The following BNIP2 variants were observed in gnomAD, a reference collection of about 807,000 sequenced individuals.
BNIP2 encodes the protein BCL2 interacting protein 2, also known as BCL2/adenovirus E1B 19 kDa protein-interacting protein 2.
Under a neutral mutation model 43.4 loss-of-function variants are expected in BNIP2, and 36 were observed. That is an observed-to-expected ratio of 0.83 (90% CI 0.64 to 1.10). The LOEUF (loss-of-function observed/expected upper bound fraction) is 1.10. Among genes scored for constraint, BNIP2 ranks in the 50% least tolerant of loss-of-function variants. The pLI is 0.00. For synonymous variants in BNIP2, 146 were observed against 121.0 expected (o/e 1.21, Z -1.35); for missense variants, 417 against 374.1 (o/e 1.11, Z -0.95).
chr15:59,660,735 G>A lies in BNIP2; in HGVS notation c.*3334C>T, dbSNP rs1393631721. On this transcript the variant is annotated 3_prime_UTR_variant, in exon 10 of 10. Transcript: ENST00000607373. Reference sequence around the variant, plus strand: ...TTCAGTATTCAGTGCACTTACTAGTGATGTCCATTTTGGAAGACTAAATCA... The same window carrying A: ...TTCAGTATTCAGTGCACTTACTAGTAATGTCCATTTTGGAAGACTAAATCA... 9 of 152,026 alleles carry A rather than the reference G, an allele frequency of 5.9e-5. No homozygotes were observed. Among genetic ancestry groups the A allele is most frequent in the Admixed American group, 5.9e-4 (9 of 15,258 alleles). 9.4% of individuals were successfully genotyped at this position (152,026 alleles called of 1,614,324 possible). A position where few individuals can be genotyped will look rare whatever the true frequency, so the allele number is the denominator to read the frequency against.
In BNIP2 at chr15:59,669,467, A is replaced by G. The variant is rs1478486645; in HGVS notation, c.708-105T>C. ...AATAATAGTTGAAAAATCTCACCCA[A>G]AAGTTCTCAATTAGGTGTGATACCC... On this transcript the variant is annotated intron_variant, in intron 7 of 9. Transcript: ENST00000607373. 36 of 774,080 alleles carry G rather than the reference A, an allele frequency of 4.7e-5. 1 individual carries two copies. The South Asian group carries it at 8.2e-4, about 18-fold the overall frequency. 48.0% of individuals were successfully genotyped at this position (774,080 alleles called of 1,614,324 possible).
At chr15:59,686,904 C>T (rs530092147) in intron 1 of BNIP2, among the ~76,000 whole-genome samples, 2 of 152,070 alleles carry the variant, frequency 1.3e-5, no homozygotes, top group Non-Finnish European at 2.9e-5. Flanking sequence ...GTAATCCAAG[C>T]GATCAGGGAG....
intron 2 of BNIP2, among the ~76,000 whole-genome samples, chr15:59,680,955 A>C (rs1475304179): frequency 6.6e-6 from 1 of 152,188 alleles, no homozygotes; most frequent in Admixed American, 6.5e-5. Flanking sequence ...ATTATATATA[A>C]GTAACACATA....
At chr15:59,666,564 G>A (rs1223872911) in intron 9 of BNIP2, among the ~76,000 whole-genome samples, 1 of 152,124 alleles carries the variant, frequency 6.6e-6, no homozygotes, top group Non-Finnish European at 1.5e-5. Flanking sequence ...CTACTTGGGG[G>A]GCTGAGGCAG....
At chr15:59,678,516 A>G in intron 4 of BNIP2, 1 of 1,076,438 alleles carries the variant, frequency 9.3e-7, no homozygotes, top group Non-Finnish European at 1.1e-6. Context: ...AATTAACTGT[A>G]ATACCAGATA....
At chr15:59,688,639 T>A in intron 1 of BNIP2, 2 of 1,421,746 alleles carry the variant, frequency 1.4e-6, no homozygotes, top group Admixed American at 4.0e-5. Context: ...ACGTACACAC[T>A]CTGTATTTGG....
chr15:59,683,723 G>T (rs1473833129), intron 1 of BNIP2, among the ~76,000 whole-genome samples: 1 of 152,212 alleles, frequency 6.6e-6, no homozygotes, highest in Non-Finnish European at 1.5e-5. Flanking sequence ...GGAGGCTGAG[G>T]CAGGAGAATC....
chr15:59,665,536 G>A (rs1490150570), intron 9 of BNIP2: 1 of 152,442 alleles, frequency 6.6e-6, no homozygotes. Flanking sequence ...CTTGAGCCCT[G>A]GAGACGGAGG....
intron 1 of BNIP2, among the ~76,000 whole-genome samples, chr15:59,685,691 A>T (rs1375525467): frequency 2.0e-5 from 3 of 152,188 alleles, no homozygotes; most frequent in African/African-American, 7.2e-5. Flanking sequence ...AGTTAAACAG[A>T]ACTTGGGGAG....
chr15:59,674,053 G>A (rs1435096025), intron 5 of BNIP2, among the ~76,000 whole-genome samples: 1 of 136,308 alleles, frequency 7.3e-6, no homozygotes, highest in African/African-American at 2.7e-5. Flanking sequence ...CTGCACCACT[G>A]CACTCCAGCC....
rs1406620901 is a variant in BNIP2, at chr15:59,682,286, C to G, written c.50+122G>C. 1.6e-5 allele frequency: 12 copies of G among 753,428 alleles called. No homozygotes were observed. In the African/African-American group the frequency reaches 2.1e-4, roughly 13 times the overall value. 46.7% of individuals were successfully genotyped at this position (753,428 alleles called of 1,614,324 possible). On this transcript the variant is annotated intron_variant, in intron 2 of 9. Transcript: ENST00000607373. ...AGGTTGCAGTGAGCTGAGATCGCGC[C>G]ACTGCACTCCAGCCTGGGCAACAGA...
At chr15:59,669,439 CA>C in intron 7 of BNIP2, 77 bp from the exon 8 acceptor site, 3 of 1,058,854 alleles carry the variant, frequency 2.8e-6, no homozygotes, top group Non-Finnish European at 4.0e-6. Flanking sequence ...CAAGTTTATA[CA>C]AAATAATAGT....
rs1461564996 is a variant in BNIP2 at position 59,689,255 on chromosome 15, G to C, written c.-178C>G. 8 of 1,543,882 alleles carry C rather than the reference G, an allele frequency of 5.2e-6. No homozygotes were observed. The highest frequency in any genetic ancestry group is 1.4e-5 in the African/African-American group (1 of 72,944). ...CCCGCTCCCCTCGGTCGGCGGTGGA[G>C]ACCCCGGCCCAATCCCCCGGCCGCA... On this transcript the variant is annotated 5_prime_UTR_variant, in exon 1 of 10. Transcript: ENST00000607373.
At chr15:59,677,120 T>C (rs1893353272) in intron 5 of BNIP2, 1 of 1,604,380 alleles carries the variant, frequency 6.2e-7, no homozygotes, top group Non-Finnish European at 8.5e-7. Flanking sequence ...TCAAGGATAT[T>C]GTCATCAATG....
intron 4 of BNIP2, 195 bp from the exon 5 acceptor site, chr15:59,678,282 TCTTTAA>T: frequency 2.3e-6 from 3 of 1,306,370 alleles, no homozygotes; most frequent in Middle Eastern, 2.9e-4. Context: ...AAATCATGGT[TCTTTAA>T]CTTTTATTGC....
At chr15:59,675,751 G>C (rs1893243068) in intron 5 of BNIP2, among the ~76,000 whole-genome samples, 1 of 152,152 alleles carries the variant, frequency 6.6e-6, no homozygotes, top group Admixed American at 6.5e-5. Flanking sequence ...AGCAAATTAT[G>C]GTTTATCCAA....
intron 1 of BNIP2, among the ~76,000 whole-genome samples, chr15:59,685,821 T>C (rs1363615095): frequency 1.3e-5 from 2 of 152,164 alleles, no homozygotes; most frequent in African/African-American, 4.8e-5. Context: ...CACTTTATCA[T>C]CAAACAGCTG....
intron 4 of BNIP2, chr15:59,678,393 C>T (rs1566972258): frequency 1.8e-6 from 2 of 1,086,668 alleles, no homozygotes; most frequent in African/African-American, 1.7e-5. Flanking sequence ...AGTACACTGG[C>T]CTTACAATGC....
intron 1 of BNIP2, among the ~76,000 whole-genome samples, chr15:59,687,181 G>A (rs117589054): frequency 0.021 from 3,129 of 152,172 alleles, 51 homozygotes; most frequent in Non-Finnish European, 0.032. Flanking sequence ...AAAATGCTGA[G>A]ATCTTTAAAA....
Sources: allele counts gnomAD v4.1 joint callset (sites outside exome capture counted in the v4.1 genomes callset), GRCh38; gene constraint gnomAD v4.1.1; transcripts MANE v1.5; gene names NCBI Gene and HGNC (gene_info 2026-07-23, HGNC 2026-07-21).